LAMC3: variants seen among roughly 807,000 people sequenced by gnomAD.
LAMC3 encodes laminin subunit gamma-3.
LAMC3 carries 128 observed loss-of-function variants against 173.8 expected under a neutral mutation model. The ratio of observed to expected loss-of-function variants is 0.74; its 90% CI spans 0.64 to 0.85. The LOEUF (loss-of-function observed/expected upper bound fraction) is 0.85, where lower values mean the gene tolerates loss of function less well. LAMC3 is among the 40% of genes least tolerant of loss of function. The pLI, the probability that LAMC3 is intolerant of heterozygous loss-of-function variation, is 0.00. For synonymous variants in LAMC3, 897 were observed against 909.1 expected (o/e 0.99, Z 0.24); for missense variants, 2,022 against 2,156.0 (o/e 0.94, Z 1.23).
intron 1 of LAMC3, among the ~76,000 whole-genome samples, chr9:131,014,405 A>C (rs1833482141): frequency 6.6e-6 from 1 of 152,172 alleles, no homozygotes; most frequent in Non-Finnish European, 1.5e-5. Flanking sequence ...TGTCTGCCCC[A>C]CTCAGCTTAG....
intron 7 of LAMC3, among the ~76,000 whole-genome samples, chr9:131,044,436 G>A (rs1834111751): frequency 6.6e-6 from 1 of 152,134 alleles, no homozygotes; most frequent in South Asian, 2.1e-4. Context: ...TTTGAACCCG[G>A]GAGACAGAGG....
At chr9:131,089,655 T>C (rs989655577) in intron 27 of LAMC3, among the ~76,000 whole-genome samples, 3 of 152,060 alleles carry the variant, frequency 2.0e-5, no homozygotes, top group African/African-American at 7.2e-5. Flanking sequence ...CCCAAAGTGC[T>C]GGGATCACAA....
At chr9:131,020,668 G>A (rs376946335) in intron 1 of LAMC3, among the ~76,000 whole-genome samples, 120 of 152,310 alleles carry the variant, frequency 7.9e-4, no homozygotes, top group African/African-American at 2.7e-3. Context: ...ATAAGTCAGG[G>A]AACAGACGAG....
At chr9:131,076,410 A>T (rs1830127534) in intron 21 of LAMC3, among the ~76,000 whole-genome samples, 1 of 150,416 alleles carries the variant, frequency 6.6e-6, no homozygotes, top group South Asian at 2.1e-4. Context: ...AGGTTCATGG[A>T]GACTCCCCAG....
At position 131,092,046 on chromosome 9, in the gene LAMC3, G is replaced by A. The variant is rs547339169; in HGVS notation, c.*259G>A. On this transcript the variant is annotated 3_prime_UTR_variant, in exon 28 of 28. Coordinates refer to ENST00000361069, the MANE Select transcript of LAMC3 (RefSeq NM_006059.4). ...CACATGCATAAACGGGCACACCCCAGTGTCAATAACATACACACGTGAGGG... is the reference window on the plus strand; with the variant it reads ...CACATGCATAAACGGGCACACCCCAATGTCAATAACATACACACGTGAGGG... 54 of 558,504 alleles carry A rather than the reference G, an allele frequency of 9.7e-5. 2 individuals carry two copies. The South Asian group carries it at 1.1e-3, about 11-fold the overall frequency. The allele number at this position is 558,504 out of a possible 1,614,324, so 34.6% of individuals were successfully genotyped here. A position where few individuals can be genotyped will look rare whatever the true frequency, so the allele number is the denominator to read the frequency against.
Position 131,067,066 on chromosome 9 carries a change from C to T in LAMC3, c.2454C>T (p.Pro818=). The T allele has an allele frequency of 3.7e-6, 6 of 1,614,166 alleles. No individual in the cohort carries two copies. The highest frequency in any genetic ancestry group is 5.1e-6 in the Non-Finnish European group (6 of 1,180,028). The stretch of plus-strand genomic sequence containing the variant: ...GCCAGTGTAGCGGGAACGTGGACCC[C>T]AATGCCGTGGGCAACTGTGACCCCC... ...HQCQCSGNVD[P]NAVGNCDPLS... The change falls in exon 14 of 28, where the codon CCC becomes CCT. Residue 818 remains proline (P), a synonymous_variant. Coordinates refer to ENST00000361069, the MANE Select transcript of LAMC3 (RefSeq NM_006059.4).
rs113259170 is a variant in LAMC3 at position 131,072,789 on chromosome 9, C to T, written c.3371C>T (p.Ser1124Phe). 14,859 of 1,613,338 alleles carry T rather than the reference C, an allele frequency of 9.2e-3. 105 individuals carry two copies. The highest frequency in any genetic ancestry group is 0.011 in the Non-Finnish European group (12,611 of 1,179,748). Residue 1124 changes from serine (S) to phenylalanine (F), a missense_variant, in exon 19 of 28, where the codon TCC becomes TTC. By Grantham distance (155) the Ser-to-Phe change is radical (BLOSUM62 -2). Coordinates refer to ENST00000361069, the MANE Select transcript of LAMC3 (RefSeq NM_006059.4). ...GCAGACCTGGAGGCAGTGCTGGAGT[C>T]CTCGGAAGAGGAGATTCTGCATGCA... ...QLADLEAVLE[S>F]SEEEILHAAA...
chr9:131,059,366 C>T (rs1274191617), intron 12 of LAMC3, among the ~76,000 whole-genome samples: 3 of 151,392 alleles, frequency 2.0e-5, no homozygotes, highest in African/African-American at 7.3e-5. Context: ...GTGGCGGGTG[C>T]CTGTAATCCC....
Position 131,038,980 on chromosome 9 carries a change from G to A in LAMC3, c.1093G>A (p.Glu365Lys). Residue 365 changes from glutamate to lysine, a missense_variant, in exon 5 of 28, where the codon GAG (glutamate) becomes AAG (lysine). Transcript: ENST00000361069. Reference sequence around the variant, plus strand: ...TGACCACACAGCTGGGCCACACTGTGAGCGCTGTCAGGAGAATTTCTATCA... The same window carrying A: ...TGACCACACAGCTGGGCCACACTGTAAGCGCTGTCAGGAGAATTTCTATCA... ...CRDHTAGPHC[E>K]RCQENFYHWD... 2 of 1,613,592 alleles carry A rather than the reference G, an allele frequency of 1.2e-6. No individual in the cohort carries two copies. Among genetic ancestry groups the A allele is most frequent in the East Asian group, 2.2e-5 (1 of 44,876 alleles).
intron 24 of LAMC3, among the ~76,000 whole-genome samples, chr9:131,083,183 G>A (rs915399): frequency 0.17 from 26,261 of 152,138 alleles, 3,755 homozygotes; most frequent in African/African-American, 0.39. Context: ...CAGTGGACTC[G>A]CCCACCCTCA....
chr9:131,068,053 C>T, intron 14 of LAMC3, 25 bp from the exon 15 acceptor site: 1 of 1,606,134 alleles, frequency 6.2e-7, no homozygotes, highest in Non-Finnish European at 8.5e-7. Flanking sequence ...TTGTTCCCAA[C>T]ACCCCTTCCT....
chr9:131,061,192 G>T lies in LAMC3; in HGVS notation c.2316G>T (p.Val772=). 1 of 1,609,878 alleles carries T rather than the reference G, an allele frequency of 6.2e-7. No individual in the cohort carries two copies. Reference sequence around the variant, plus strand: ...CGACCATCCCAGAGAGCCGGGAGGTGGTGTGTACCCACTGCCCCCCGGGCC... The same window carrying T: ...CGACCATCCCAGAGAGCCGGGAGGTTGTGTGTACCCACTGCCCCCCGGGCC... The part of the protein sequence containing the change: ...ACTTIPESRE[V]VCTHCPPGQR... Residue 772 remains valine (V), a synonymous_variant, in exon 13 of 28, where the codon GTG becomes GTT. Transcript: ENST00000361069.
At chr9:131,073,384 T>A (rs1830070357) in intron 20 of LAMC3, 63 bp downstream of exon 20, 4 of 1,290,762 alleles carry the variant, frequency 3.1e-6, no homozygotes, top group Admixed American at 1.7e-5. Context: ...AGGGTCAGAG[T>A]CAGCCCCACA....
intron 21 of LAMC3, 69 bp downstream of exon 21, chr9:131,076,034 A>C (rs1278574130): frequency 6.8e-7 from 1 of 1,462,760 alleles, no homozygotes; most frequent in Non-Finnish European, 9.2e-7. Flanking sequence ...GCCTAGCCAA[A>C]GGCTGCTGGT....
intron 20 of LAMC3, among the ~76,000 whole-genome samples, chr9:131,075,377 C>A (rs1231935470): frequency 6.6e-6 from 1 of 152,104 alleles, no homozygotes; most frequent in African/African-American, 2.4e-5. Flanking sequence ...AGGTCGAGAC[C>A]AGCCTGGCCA....
rs145944073 is a variant in LAMC3 at position 131,038,079 on chromosome 9, G to A, written c.977-785G>A. On this transcript the variant is annotated intron_variant, in intron 4 of 27. Transcript: ENST00000361069. ...CATGTGGGGTATCCCCTGGGCTTTCGCCTCCTGTCTGCGACGCCCTTCCCG... is the reference window on the plus strand; with the variant it reads ...CATGTGGGGTATCCCCTGGGCTTTCACCTCCTGTCTGCGACGCCCTTCCCG... Among the ~76,000 whole-genome samples, 15 of 152,188 alleles carry A rather than the reference G, an allele frequency of 9.9e-5. No homozygotes were observed. The East Asian group carries it at 1.9e-3, about 20-fold the overall frequency.
chr9:131,090,752 C>T (rs555744008), intron 27 of LAMC3, among the ~76,000 whole-genome samples: 3 of 152,224 alleles, frequency 2.0e-5, no homozygotes, highest in South Asian at 2.1e-4. Flanking sequence ...TTAGGCAAGG[C>T]GTGGTGGCTC....
intron 15 of LAMC3, 72 bp downstream of exon 15, chr9:131,068,303 G>T (rs1829977542): frequency 1.3e-6 from 2 of 1,501,228 alleles, no homozygotes; most frequent in Non-Finnish European, 1.8e-6. Context: ...CAGCCCCCAG[G>T]GAGGGGCCTG....
At chr9:131,042,539 C>T (rs1269891532) in intron 7 of LAMC3, among the ~76,000 whole-genome samples, 1 of 152,038 alleles carries the variant, frequency 6.6e-6, no homozygotes, top group East Asian at 1.9e-4. Context: ...TTCACACCCA[C>T]AGCAGACATC....
Sources: allele counts gnomAD v4.1 joint callset (sites outside exome capture counted in the v4.1 genomes callset), GRCh38; gene constraint gnomAD v4.1.1; transcripts MANE v1.5; gene names NCBI Gene and HGNC (gene_info 2026-07-23, HGNC 2026-07-21).